Variants in RBM26 observed in about 807,000 individuals in gnomAD.
RBM26 encodes the protein RNA binding motif protein 26.
In RBM26, 30 loss-of-function variants were observed where a neutral mutation model predicts 123.6. The ratio of observed to expected loss-of-function variants is 0.24; its 90% CI spans 0.18 to 0.33. RBM26 has a LOEUF of 0.33. RBM26 is among the 10% of genes least tolerant of loss of function. The pLI, the probability that RBM26 is intolerant of heterozygous loss-of-function variation, is 1.00. For missense variants in RBM26, 947 were observed against 1,203.6 expected, an observed-to-expected ratio of 0.79 and a Z score of 3.15; for synonymous variants, 400 against 404.4, an observed-to-expected ratio of 0.99 and a Z score of 0.13.
chr13:79,333,336 C>A (rs1259226393), intron 20 of RBM26, among the ~76,000 whole-genome samples: 2 of 151,912 alleles, frequency 1.3e-5, no homozygotes, highest in African/African-American at 4.8e-5. Context: ...ACCTCTACCC[C>A]CAAAACTAGA....
chr13:79,342,761 A>G lies in RBM26; in HGVS notation c.2330T>C (p.Leu777Ser). 2 of 1,610,672 alleles carry G rather than the reference A, an allele frequency of 1.2e-6. No individual in the cohort carries two copies. Among genetic ancestry groups the G allele is most frequent in the Non-Finnish European group, 8.5e-7 (1 of 1,177,436 alleles). ...SEDKAEIMKT[L>S]EVLTKNITKL... ...GGTAATATTTTTTGTCAAAACCTCT[A>G]AAGTTTTCATTATTTCTGCTTTATC... The change falls in exon 17 of 22, where the codon TTA becomes TCA. Residue 777 changes from leucine to serine, a missense_variant. Leu to Ser is a moderately radical substitution (Grantham distance 145). This residue lies in a region of RBM26 where 493 missense variants were observed against 563.1 expected (regional missense o/e 0.88). Coordinates refer to ENST00000438737, the MANE Select transcript of RBM26 (RefSeq NM_001366735.2).
chr13:79,370,935 T>C lies in RBM26; in HGVS notation c.634+10A>G. On this transcript the variant is annotated intron_variant, in intron 5 of 21. Coordinates refer to ENST00000438737, the MANE Select transcript of RBM26 (RefSeq NM_001366735.2). ...TTTTCATAAAAAGATAACCAAAATATATTATTTACCCCTGCTTCGTGTTCT... is the reference window on the plus strand; with the variant it reads ...TTTTCATAAAAAGATAACCAAAATACATTATTTACCCCTGCTTCGTGTTCT... 6.3e-7 allele frequency: 1 copy of C among 1,588,518 alleles called. No homozygotes were observed. Among genetic ancestry groups the C allele is most frequent in the Non-Finnish European group, 8.6e-7 (1 of 1,160,364 alleles).
At chr13:79,326,021 A>G (rs2068352322) in intron 20 of RBM26, among the ~76,000 whole-genome samples, 1 of 152,206 alleles carries the variant, frequency 6.6e-6, no homozygotes, top group Admixed American at 6.5e-5. Flanking sequence ...GCCTAAGACC[A>G]ACGGGCTATA....
At chr13:79,337,400 G>A in intron 18 of RBM26, 98 bp from the exon 19 acceptor site, 1 of 1,356,950 alleles carries the variant, frequency 7.4e-7, no homozygotes, top group East Asian at 2.3e-5. Context: ...AATGCAATTT[G>A]ACAATGTATT....
chr13:79,372,256 G>A (rs1390371653), intron 3 of RBM26, among the ~76,000 whole-genome samples: 7 of 152,134 alleles, frequency 4.6e-5, no homozygotes, highest in Non-Finnish European at 5.9e-5. Flanking sequence ...ACTCCAGCCT[G>A]GGCGACAGAG....
chr13:79,312,896 A>G (rs2066933345), exon 5 of RBM26: 1 of 151,932 alleles, frequency 6.6e-6, no homozygotes, highest in East Asian at 1.9e-4. Context: ...TATAGCACCA[A>G]TGACTTTTTC....
rs936787623 is a variant in RBM26, at chr13:79,319,004, A to T, written c.*1617T>A. The T allele has an allele frequency of 1.5e-5, 15 of 981,298 alleles. No homozygotes were observed. In the East Asian group the frequency reaches 1.7e-3, roughly 112 times the overall value. 60.8% of individuals were successfully genotyped at this position (981,298 alleles called of 1,614,324 possible). A position where few individuals can be genotyped will look rare whatever the true frequency, so the allele number is the denominator to read the frequency against. Reference sequence around the variant, plus strand: ...AGTAAAAATAGTGACTTTTTGAGCAAAGTCACTATTTTGACAACTGAAATC... The same window carrying T: ...AGTAAAAATAGTGACTTTTTGAGCATAGTCACTATTTTGACAACTGAAATC... On this transcript the variant is annotated 3_prime_UTR_variant, in exon 22 of 22. Transcript: ENST00000438737.
At chr13:79,312,814 T>C (rs2066930684) in exon 5 of RBM26, 1 of 151,922 alleles carries the variant, frequency 6.6e-6, no homozygotes, top group African/African-American at 2.4e-5. Flanking sequence ...TACATTATAA[T>C]AAATCACAAG....
At chr13:79,366,938 AG>A in intron 6 of RBM26, 66 bp from the exon 7 acceptor site, 1 of 1,331,824 alleles carries the variant, frequency 7.5e-7, no homozygotes, top group Non-Finnish European at 1.0e-6. Flanking sequence ...TCTCTAAGTT[AG>A]CAAAAGTAAA....
At chr13:79,322,266 A>G in intron 21 of RBM26, 83 bp downstream of exon 21, 1 of 877,476 alleles carries the variant, frequency 1.1e-6, no homozygotes. Flanking sequence ...GTTTTATGTT[A>G]AAATCACGGC....
At chr13:79,377,219 C>A in intron 3 of RBM26, 160 bp downstream of exon 3, 1 of 563,854 alleles carries the variant, frequency 1.8e-6, no homozygotes, top group Non-Finnish European at 3.1e-6. Context: ...GGGCCATAAG[C>A]ACAATTATAT....
chr13:79,319,248 A>G lies in RBM26; in HGVS notation c.*1373T>C, dbSNP rs1170270876. ...GATTGTGAGGACCCCAATATGGAAG[A>G]AAGTAATTTTTTAAATGTGATTTTT... On this transcript the variant is annotated 3_prime_UTR_variant, in exon 22 of 22. Transcript: ENST00000438737. 1 of 983,998 alleles carries G rather than the reference A, an allele frequency of 1.0e-6. No homozygotes were observed. The highest frequency in any genetic ancestry group is 1.2e-6 in the Non-Finnish European group (1 of 828,906). The allele number at this position is 983,998 out of a possible 1,614,324, so 61.0% of individuals were successfully genotyped here.
chr13:79,356,247 TG>T (rs1343836696), intron 11 of RBM26, among the ~76,000 whole-genome samples: 1 of 151,958 alleles, frequency 6.6e-6, no homozygotes, highest in African/African-American at 2.4e-5. Context: ...CACACAACTG[TG>T]GTCCCAGCTA....
intron 16 of RBM26, 63 bp from the exon 17 acceptor site, chr13:79,342,894 ACACTG>A: frequency 7.8e-6 from 8 of 1,031,796 alleles, no homozygotes; most frequent in Non-Finnish European, 1.2e-5. Context: ...AACAAAACAA[ACACTG>A]CAAAGTAATT....
intron 11 of RBM26, among the ~76,000 whole-genome samples, chr13:79,357,458 A>G (rs1253708258): frequency 6.6e-6 from 1 of 152,144 alleles, no homozygotes; most frequent in African/African-American, 2.4e-5. Context: ...TCAATACTAA[A>G]AAAACACCCA....
chr13:79,336,425 C>T (rs2070415530), intron 19 of RBM26, among the ~76,000 whole-genome samples: 1 of 152,084 alleles, frequency 6.6e-6, no homozygotes, highest in Non-Finnish European at 1.5e-5. Context: ...AAATATAATG[C>T]TGAGGGTAAA....
rs562100880 is a variant in RBM26, at chr13:79,359,700, A to G, written c.1418-14T>C. On this transcript the variant is annotated splice_polypyrimidine_tract_variant and intron_variant, in intron 9 of 21. Transcript: ENST00000438737. ...TGGGAGGCTTTTCTGTTTTAAAACAAAAGAAAATGAAAAAAATAAGCATAG... is the reference window on the plus strand; with the variant it reads ...TGGGAGGCTTTTCTGTTTTAAAACAGAAGAAAATGAAAAAAATAAGCATAG... The G allele has an allele frequency of 4.3e-6, 6 of 1,386,582 alleles. No individual in the cohort carries two copies. The East Asian group carries it at 7.4e-5, about 17-fold the overall frequency. 85.9% of individuals were successfully genotyped at this position (1,386,582 alleles called of 1,614,324 possible).
At chr13:79,383,932 G>A (rs1331308153) in intron 1 of RBM26, among the ~76,000 whole-genome samples, 3 of 152,134 alleles carry the variant, frequency 2.0e-5, no homozygotes, top group Non-Finnish European at 4.4e-5. Context: ...TATGCTTTAT[G>A]GCTATCCGGA....
At chr13:79,378,080 C>G (rs1266253280) in intron 2 of RBM26, among the ~76,000 whole-genome samples, 1 of 152,230 alleles carries the variant, frequency 6.6e-6, no homozygotes, top group Non-Finnish European at 1.5e-5. Flanking sequence ...TAGTCACCTC[C>G]AGCCATGACT....
Sources: gnomAD v4.1 joint callset for allele counts (sites outside exome capture counted in the v4.1 genomes callset) on GRCh38, gnomAD v4.1.1 for gene constraint, gnomAD v4.1.1 regional missense constraint, MANE v1.5 for transcripts, NCBI Gene and HGNC (gene_info 2026-07-23, HGNC 2026-07-21) for gene names.